The following TIMM23B variants were observed in gnomAD, a reference collection of about 807,000 sequenced individuals.
TIMM23B encodes the protein mitochondrial import inner membrane translocase subunit Tim23B.
Under a neutral mutation model 27.3 loss-of-function variants are expected in TIMM23B, and 27 were observed. That is an observed-to-expected ratio of 0.99 (90% CI 0.73 to 1.36). The LOEUF (loss-of-function observed/expected upper bound fraction) is 1.36, where lower values mean the gene tolerates loss of function less well. Among genes scored for constraint, TIMM23B ranks in the 40% most tolerant of loss-of-function variants. The pLI is 0.00. For missense variants in TIMM23B, 205 were observed against 244.2 expected (o/e 0.84, Z 1.07); for synonymous variants, 73 against 92.4 (o/e 0.79, Z 1.21).
intron 6 of TIMM23B, among the ~76,000 whole-genome samples, chr10:49,967,226 C>CT (rs1489587677): frequency 6.6e-6 from 1 of 151,908 alleles, no homozygotes; most frequent in Non-Finnish European, 1.5e-5. Flanking sequence ...CCGGCCCCCT[C>CT]TTTTTTTAAA....
chr10:49,948,033 T>C (rs1286419489), intron 2 of TIMM23B, among the ~76,000 whole-genome samples: 4 of 152,224 alleles, frequency 2.6e-5, no homozygotes, highest in Admixed American at 2.6e-4. Context: ...TTTTTTTAAC[T>C]CTTGAAACAT....
At chr10:49,963,510 C>T (rs12778942) in intron 6 of TIMM23B, among the ~76,000 whole-genome samples, 28,811 of 150,712 alleles carry the variant, frequency 0.19, 3,227 homozygotes, top group Non-Finnish European at 0.27. Flanking sequence ...AAATAATGAA[C>T]AATGAAATGC....
In TIMM23B at chr10:49,963,967, A is replaced by AATGAC. The variant is rs1370744517; in HGVS notation, c.514+5502_514+5506dup. On this transcript the variant is annotated intron_variant, in intron 6 of 6. Coordinates refer to ENST00000651259, the MANE Select transcript of TIMM23B (RefSeq NM_001290117.2). The stretch of plus-strand genomic sequence containing the variant: ...GTGTTAGAACAAGCCTCTGGCTCGA[A>AATGAC]ATGACATGACATGACATGATGAAAT... Among the ~76,000 whole-genome samples the AATGAC allele has an allele frequency of 7.2e-5, 11 of 152,292 alleles. No individual in the cohort carries two copies. In the East Asian group the frequency reaches 9.6e-4, roughly 13 times the overall value.
intron 2 of TIMM23B, among the ~76,000 whole-genome samples, chr10:49,949,822 A>G (rs1207210711): frequency 6.6e-6 from 1 of 150,708 alleles, no homozygotes; most frequent in African/African-American, 2.4e-5. Flanking sequence ...TCAACTCACC[A>G]TGTCGTGACT....
rs1300707258 is a variant in TIMM23B at position 49,952,135 on chromosome 10, G to A, written c.175G>A (p.Glu59Lys). Residue 59 changes from glutamate to lysine, a missense_variant, in exon 3 of 7, where the codon GAG (glutamate) becomes AAG (lysine). Physicochemically the swap from Glu to Lys is moderately conservative, Grantham distance 56. Coordinates refer to ENST00000651259, the MANE Select transcript of TIMM23B (RefSeq NM_001290117.2). ...DPRYLVQDTD[E>K]FILPTGANKT... ...ATTATTATCCTTTTAGGATACAGAT[G>A]AGTTCATTTTACCTACCGGAGCTAA... 1 of 1,596,982 alleles carries A rather than the reference G, an allele frequency of 6.3e-7. No individual in the cohort carries two copies. The highest frequency in any genetic ancestry group is 8.6e-7 in the Non-Finnish European group (1 of 1,164,544).
intron 5 of TIMM23B, among the ~76,000 whole-genome samples, chr10:49,957,202 G>A (rs1839754123): frequency 2.0e-5 from 3 of 151,638 alleles, no homozygotes. Context: ...TATTGGATTG[G>A]CTCACAGAAC....
At chr10:49,954,868 A>T (rs1353730461) in intron 4 of TIMM23B, 134 bp from the exon 5 acceptor site, 1 of 708,100 alleles carries the variant, frequency 1.4e-6, no homozygotes, top group Admixed American at 3.0e-5. Flanking sequence ...AATCGGAGAT[A>T]TTAAGATGTA....
chr10:49,950,457 A>G (rs1389827765), intron 2 of TIMM23B, among the ~76,000 whole-genome samples: 1 of 151,132 alleles, frequency 6.6e-6, no homozygotes, highest in Non-Finnish European at 1.5e-5. Context: ...AGTTGATACT[A>G]GCAGGAGAAT....
chr10:49,954,538 C>G (rs1839648515), intron 4 of TIMM23B: 1 of 161,168 alleles, frequency 6.2e-6, no homozygotes, highest in Non-Finnish European at 1.3e-5. Flanking sequence ...CTTTGATTAT[C>G]TTTAACATTC....
chr10:49,950,719 T>G (rs1460256708), intron 2 of TIMM23B, among the ~76,000 whole-genome samples: 1 of 151,858 alleles, frequency 6.6e-6, no homozygotes, highest in Non-Finnish European at 1.5e-5. Context: ...TTTTTTGTAT[T>G]TTAGTAGAGA....
At chr10:49,960,879 G>A (rs1334137484) in intron 6 of TIMM23B, among the ~76,000 whole-genome samples, 2 of 152,092 alleles carry the variant, frequency 1.3e-5, no homozygotes, top group Admixed American at 6.6e-5. Context: ...TTAGGCTTAT[G>A]GCATGGAAAG....
intron 5 of TIMM23B, among the ~76,000 whole-genome samples, chr10:49,955,276 TG>T (rs1167118212): frequency 2.0e-5 from 3 of 152,224 alleles, no homozygotes; most frequent in African/African-American, 7.2e-5. Context: ...ATACCATTTC[TG>T]AATTTTTAAA....
chr10:49,951,053 A>T (rs1839513680), intron 2 of TIMM23B, among the ~76,000 whole-genome samples: 1 of 152,238 alleles, frequency 6.6e-6, no homozygotes, highest in African/African-American at 2.4e-5. Context: ...ATACAATTAT[A>T]TTATGACATG....
intron 6 of TIMM23B, among the ~76,000 whole-genome samples, chr10:49,964,995 C>T (rs778323959): frequency 9.9e-5 from 15 of 152,018 alleles, no homozygotes; most frequent in Non-Finnish European, 1.2e-4. Context: ...CCTAGGTGGG[C>T]GGATCACTTG....
At chr10:49,956,233 T>G (rs1379626178) in intron 5 of TIMM23B, among the ~76,000 whole-genome samples, 4 of 151,994 alleles carry the variant, frequency 2.6e-5, no homozygotes, top group African/African-American at 9.7e-5. Context: ...GGTGTATTGT[T>G]GCAAGGGGCA....
chr10:49,944,753 A>G (rs1268002003), intron 1 of TIMM23B, among the ~76,000 whole-genome samples: 2 of 152,232 alleles, frequency 1.3e-5, no homozygotes, highest in African/African-American at 4.8e-5. Context: ...GGCCTGGACT[A>G]CACTTCCTGT....
chr10:49,945,744 AG>A (rs1201247854), intron 2 of TIMM23B, among the ~76,000 whole-genome samples: 4 of 152,212 alleles, frequency 2.6e-5, no homozygotes, highest in Non-Finnish European at 5.9e-5. Context: ...TAGAAAAGCA[AG>A]GTTGTTTTAA....
chr10:49,943,775 T>C (rs1431968632), intron 1 of TIMM23B, among the ~76,000 whole-genome samples: 1 of 147,966 alleles, frequency 6.8e-6, no homozygotes, highest in Non-Finnish European at 1.5e-5. Context: ...AGAGGACCCT[T>C]GCGCTCACAG....
intron 2 of TIMM23B, among the ~76,000 whole-genome samples, chr10:49,946,387 C>T (rs1360252885): frequency 2.0e-5 from 3 of 152,126 alleles, no homozygotes; most frequent in African/African-American, 7.2e-5. Context: ...CATTAAATGG[C>T]ATTCAAGTTG....
Sources: gnomAD v4.1 joint callset for allele counts (sites outside exome capture counted in the v4.1 genomes callset) on GRCh38, gnomAD v4.1.1 for gene constraint, MANE v1.5 for transcripts, NCBI Gene and HGNC (gene_info 2026-07-23, HGNC 2026-07-21) for gene names.